EPM2A: variants seen among roughly 807,000 people sequenced by gnomAD.
The protein encoded by EPM2A is EPM2A glucan phosphatase, laforin, also known as laforin.
Under a neutral mutation model 26.5 loss-of-function variants are expected in EPM2A, and 21 were observed. The ratio of observed to expected loss-of-function variants is 0.79; its 90% confidence interval spans 0.56 to 1.14. The LOEUF (loss-of-function observed/expected upper bound fraction) is 1.14, where lower values mean the gene tolerates loss of function less well. Ranked by LOEUF, EPM2A falls within the 50% of genes most tolerant of loss-of-function variation. The probability of loss-of-function intolerance (pLI) is 0.00; values close to 1 mark genes in which losing one functional copy is unlikely to be tolerated. For missense variants in EPM2A, 458 were observed against 440.8 expected (o/e 1.04, Z -0.35); for synonymous variants, 217 against 177.6 (o/e 1.22, Z -1.76).
intron 2 of EPM2A, among the ~76,000 whole-genome samples, chr6:145,512,875 A>G (rs2114764877): frequency 6.6e-6 from 1 of 152,230 alleles, no homozygotes; most frequent in East Asian, 1.9e-4. Context: ...GCAGAAGAAT[A>G]AAACTGGACC....
At chr6:145,507,228 T>C (rs1288861401) in intron 2 of EPM2A, among the ~76,000 whole-genome samples, 1 of 152,146 alleles carries the variant, frequency 6.6e-6, no homozygotes, top group South Asian at 2.1e-4. Context: ...CCCAAGATGG[T>C]GACAAAAAGA....
chr6:145,450,600 A>G (rs1779184663), intron 4 of EPM2A, among the ~76,000 whole-genome samples: 1 of 152,186 alleles, frequency 6.6e-6, no homozygotes, highest in Non-Finnish European at 1.5e-5. Flanking sequence ...ATCAGTAAGC[A>G]GTTAAATGTT....
chr6:145,528,698 T>C (rs1189876840), intron 2 of EPM2A, among the ~76,000 whole-genome samples: 6 of 152,174 alleles, frequency 3.9e-5, no homozygotes, highest in Admixed American at 6.6e-5. Context: ...GGTTTTCATG[T>C]CTGCACACAC....
At chr6:145,440,664 A>T (rs1582757161) in intron 4 of EPM2A, among the ~76,000 whole-genome samples, 1 of 152,212 alleles carries the variant, frequency 6.6e-6, no homozygotes, top group African/African-American at 2.4e-5. Context: ...TCCAAATGGG[A>T]GAAACTGGTC....
intron 4 of EPM2A, among the ~76,000 whole-genome samples, chr6:145,457,221 G>T (rs1396647): frequency 0.65 from 98,665 of 152,034 alleles, 33,601 homozygotes; most frequent in East Asian, 0.85. Context: ...TTGGCTGGGT[G>T]TGGCGGCTCA....
chr6:145,646,537 C>G (rs1456307337), intron 2 of EPM2A, among the ~76,000 whole-genome samples: 1 of 152,060 alleles, frequency 6.6e-6, no homozygotes, highest in Non-Finnish European at 1.5e-5. Context: ...ATGTATCCTA[C>G]TGATCACCCT....
At chr6:145,686,037 A>G in intron 2 of EPM2A, 85 bp downstream of exon 2, 1 of 1,231,344 alleles carries the variant, frequency 8.1e-7, no homozygotes, top group Non-Finnish European at 1.2e-6. Flanking sequence ...GAGGCACTGC[A>G]GTTTCGAACA....
At chr6:145,669,370 T>C (rs984150300) in intron 2 of EPM2A, among the ~76,000 whole-genome samples, 1 of 152,214 alleles carries the variant, frequency 6.6e-6, no homozygotes, top group Non-Finnish European at 1.5e-5. Flanking sequence ...TCCAAGGGTT[T>C]GATAATCCTT....
intron 4 of EPM2A, among the ~76,000 whole-genome samples, chr6:145,398,885 A>G (rs34416535): frequency 3.8e-4 from 57 of 150,386 alleles, no homozygotes; most frequent in Non-Finnish European, 7.5e-4. Flanking sequence ...ACCATCAGAG[A>G]CTTTCTCCAA....
chr6:145,518,610 A>AC (rs1780162347), intron 2 of EPM2A, among the ~76,000 whole-genome samples: 2 of 123,716 alleles, frequency 1.6e-5, no homozygotes, highest in East Asian at 2.2e-4. Context: ...AAAAAAAAAA[A>AC]AAAAAAAAAA....
At chr6:145,679,934 T>C (rs1780375433) in intron 2 of EPM2A, 1 of 152,046 alleles carries the variant, frequency 6.6e-6, no homozygotes, top group Non-Finnish European at 1.5e-5. Context: ...AACGCATTAC[T>C]ATATTGGGAA....
At chr6:145,541,980 A>T (rs1172613460) in intron 2 of EPM2A, among the ~76,000 whole-genome samples, 1 of 152,146 alleles carries the variant, frequency 6.6e-6, no homozygotes, top group Non-Finnish European at 1.5e-5. Flanking sequence ...CTTAAAAAAA[A>T]AAGAGGCAAG....
chr6:145,581,741 A>C (rs1361841698), intron 2 of EPM2A, among the ~76,000 whole-genome samples: 1 of 152,224 alleles, frequency 6.6e-6, no homozygotes, highest in Non-Finnish European at 1.5e-5. Context: ...TTTATTGAAT[A>C]GGGAGCCCTT....
chr6:145,710,827 T>C (rs531078730), intron 1 of EPM2A, among the ~76,000 whole-genome samples: 4 of 152,090 alleles, frequency 2.6e-5, no homozygotes, highest in Admixed American at 6.5e-5. Context: ...TGTAGTGACA[T>C]AGATGAAGCT....
At chr6:145,533,037 T>C (rs1319816901) in intron 2 of EPM2A, among the ~76,000 whole-genome samples, 3 of 152,168 alleles carry the variant, frequency 2.0e-5, no homozygotes, top group Non-Finnish European at 2.9e-5. Context: ...CATGATCATA[T>C]TGATGTCTAA....
At chr6:145,509,823 G>A (rs1176369952) in intron 2 of EPM2A, among the ~76,000 whole-genome samples, 2 of 152,110 alleles carry the variant, frequency 1.3e-5, no homozygotes, top group African/African-American at 4.8e-5. Context: ...TCATTCTTCT[G>A]CTGTTTTTAA....
At chr6:145,543,750 C>T (rs1227075977) in intron 2 of EPM2A, among the ~76,000 whole-genome samples, 2 of 152,108 alleles carry the variant, frequency 1.3e-5, no homozygotes, top group Non-Finnish European at 2.9e-5. Flanking sequence ...ATTTTCCAGA[C>T]CACTCATTAC....
At chr6:145,671,297 T>G in intron 2 of EPM2A, 1 of 1,041,354 alleles carries the variant, frequency 9.6e-7, no homozygotes, top group African/African-American at 1.7e-5. Flanking sequence ...ATATAGCTGC[T>G]GTAGAGCTGG....
chr6:145,418,976 T>A (rs939430201), intron 4 of EPM2A, among the ~76,000 whole-genome samples: 1 of 152,200 alleles, frequency 6.6e-6, no homozygotes, highest in African/African-American at 2.4e-5. Context: ...AACTTGAATA[T>A]GGTGTTGAGA....
Sources: gnomAD v4.1 joint callset for allele counts (sites outside exome capture counted in the v4.1 genomes callset) on GRCh38, gnomAD v4.1.1 for gene constraint, MANE v1.5 for transcripts, NCBI Gene and HGNC (gene_info 2026-07-23, HGNC 2026-07-21) for gene names.